The following ATG4D variants were observed in gnomAD, a reference collection of about 807,000 sequenced individuals.
ATG4D encodes cysteine protease ATG4D.
Under a neutral mutation model 55.2 loss-of-function variants are expected in ATG4D, and 51 were observed. The ratio of observed to expected loss-of-function variants is 0.92; its 90% confidence interval spans 0.74 to 1.17. The LOEUF is 1.17. Ranked by LOEUF, ATG4D falls within the 50% of genes most tolerant of loss-of-function variation. ATG4D has a pLI of 0.00. For missense variants in ATG4D, 635 were observed against 649.6 expected, an observed-to-expected ratio of 0.98 and a Z score of 0.25; for synonymous variants, 268 against 266.2, an observed-to-expected ratio of 1.01 and a Z score of -0.07.
chr19:10,547,216 C>A lies in ATG4D; in HGVS notation c.798C>A (p.Val266=). Residue 266 remains valine (V), a synonymous_variant, in exon 5 of 10, where the codon GTC becomes GTA. Coordinates refer to ENST00000309469, the MANE Select transcript of ATG4D (RefSeq NM_032885.6). ...LRKAVESCSD[V]TRLVVYVSQD... ...AAGCCGTGGAGAGCTGCTCCGACGT[C>A]ACCCGCCTGGTGGTGTACGTTTCTC... 1 of 1,614,036 alleles carries A rather than the reference C, an allele frequency of 6.2e-7. No homozygotes were observed. The highest frequency in any genetic ancestry group is 1.1e-5 in the South Asian group (1 of 91,086).
Position 10,545,238 on chromosome 19 carries a change from G to A in ATG4D, c.493+108G>A. 6 of 1,425,132 alleles carry A rather than the reference G, an allele frequency of 4.2e-6. No individual in the cohort carries two copies. The East Asian group carries it at 1.2e-4, about 28-fold the overall frequency. The allele number at this position is 1,425,132 out of a possible 1,614,324, so 88.3% of individuals were successfully genotyped here. On this transcript the variant is annotated intron_variant, in intron 3 of 9. Transcript: ENST00000309469. ...GAGTTCAAAGTCACGTTAGAATTGT[G>A]TGTCAAGTAAGTTTTGGAGAGATGA...
chr19:10,544,618 C>T, intron 1 of ATG4D, 165 bp from the exon 2 acceptor site: 3 of 1,318,526 alleles, frequency 2.3e-6, no homozygotes, highest in Non-Finnish European at 3.0e-6. Flanking sequence ...TGATGGTGGA[C>T]ACTCCTGTAG....
At chr19:10,546,230 G>A (rs946801299) in intron 3 of ATG4D, among the ~76,000 whole-genome samples, 11 of 151,720 alleles carry the variant, frequency 7.3e-5, no homozygotes, top group Non-Finnish European at 8.8e-5. Flanking sequence ...AGGCTGAGGC[G>A]GGAGAATCTG....
chr19:10,550,530 A>G (rs1420004919), intron 6 of ATG4D, among the ~76,000 whole-genome samples: 2 of 151,900 alleles, frequency 1.3e-5, no homozygotes, highest in Non-Finnish European at 2.9e-5. Flanking sequence ...GCCCGGCACT[A>G]TTTGTCCACA....
At chr19:10,546,501 A>G (rs991044668) in intron 3 of ATG4D, among the ~76,000 whole-genome samples, 7 of 150,814 alleles carry the variant, frequency 4.6e-5, no homozygotes, top group African/African-American at 1.7e-4. Context: ...GCCCGCCACC[A>G]CGCTTGTCTA....
Position 10,550,708 on chromosome 19 carries a change from C to CTTT in ATG4D, c.967-1170_967-1168dup, listed in dbSNP as rs34184188. Among the ~76,000 whole-genome samples, 111 of 100,044 alleles carry CTTT rather than the reference C, an allele frequency of 1.1e-3. 3 individuals are homozygous for CTTT. The highest frequency in any genetic ancestry group is 1.5e-3 in the Non-Finnish European group (73 of 50,176). The allele number at this position is 100,044 out of a possible 152,430, so 65.6% of individuals were successfully genotyped here. ...ACTCTTTCAGCAGTGATGCATGTGG[C>CTTT]TTTTTTTTTTTTTTTTTTTTTGAGA... is the stretch of plus-strand genomic sequence containing the variant. On this transcript the variant is annotated intron_variant, in intron 6 of 9. Coordinates refer to ENST00000309469, the MANE Select transcript of ATG4D (RefSeq NM_032885.6).
In ATG4D at chr19:10,553,347, G is replaced by A. The variant is rs569711275; in HGVS notation, c.*280G>A. The A allele has an allele frequency of 1.0e-4, 36 of 355,218 alleles. No homozygotes were observed. In the South Asian group the frequency reaches 1.8e-3, roughly 18 times the overall value. The allele number at this position is 355,218 out of a possible 1,614,324, so 22.0% of individuals were successfully genotyped here. ...GTACTGTAGTTTGCACTGGACGCCC[G>A]GGCCCTCCCTGTCCCAAAGCCCCCT... is the stretch of plus-strand genomic sequence containing the variant. On this transcript the variant is annotated 3_prime_UTR_variant, in exon 10 of 10. Coordinates refer to ENST00000309469, the MANE Select transcript of ATG4D (RefSeq NM_032885.6).
chr19:10,545,126 C>G lies in ATG4D; in HGVS notation c.489C>G (p.Pro163=), dbSNP rs1417266198. 4 of 1,609,430 alleles carry G rather than the reference C, an allele frequency of 2.5e-6. No homozygotes were observed. The East Asian group carries it at 8.9e-5, about 36-fold the overall frequency. The change falls in exon 3 of 10, where the codon CCC becomes CCG. Residue 163 remains proline (P), a synonymous_variant. Coordinates refer to ENST00000309469, the MANE Select transcript of ATG4D (RefSeq NM_032885.6). Reference sequence around the variant, plus strand: ...AGGGCCTTCTGCTGCATTTCCTGCCCAGAGGTGAGCCATAGGGGGGAAGGG... The same window carrying G: ...AGGGCCTTCTGCTGCATTTCCTGCCGAGAGGTGAGCCATAGGGGGGAAGGG... ...LAQGLLLHFL[P]RDWTWAEGMG...
At chr19:10,547,156 C>T (rs373620016) in intron 4 of ATG4D, 33 bp from the exon 5 acceptor site, 9 of 1,612,428 alleles carry the variant, frequency 5.6e-6, no homozygotes, top group East Asian at 2.2e-5. Flanking sequence ...GCTGGGTACC[C>T]GCAGGCACTC....
rs10423320 is a variant in ATG4D, at chr19:10,544,029, C to G, written c.-62C>G. 8.7e-7 allele frequency: 1 copy of G among 1,155,146 alleles called. No individual in the cohort carries two copies. The highest frequency in any genetic ancestry group is 1.6e-5 in the African/African-American group (1 of 62,480). The allele number at this position is 1,155,146 out of a possible 1,614,324, so 71.6% of individuals were successfully genotyped here. A position where few individuals can be genotyped will look rare whatever the true frequency, so the allele number is the denominator to read the frequency against. On this transcript the variant is annotated 5_prime_UTR_variant, in exon 1 of 10. Transcript: ENST00000309469. ...GCCCCGTGAACCGGCTGCGGGTCGCCCTTGGGGGGCAGCGGCCGCAGCCCC... is the reference window on the plus strand; with the variant it reads ...GCCCCGTGAACCGGCTGCGGGTCGCGCTTGGGGGGCAGCGGCCGCAGCCCC...
At chr19:10,552,744 CTG>C (rs1916318290) in intron 9 of ATG4D, 139 bp from the exon 10 acceptor site, 2 of 901,392 alleles carry the variant, frequency 2.2e-6, no homozygotes, top group Non-Finnish European at 1.7e-6. Context: ...GAGCCAATCA[CTG>C]TGGCCAGGGG....
In ATG4D at chr19:10,552,226, C is replaced by T. The variant is rs150808873; in HGVS notation, c.1144C>T (p.Arg382Cys). The T allele has an allele frequency of 9.7e-5, 156 of 1,613,230 alleles. 2 individuals are homozygous for T. The South Asian group carries it at 1.0e-3, about 11-fold the overall frequency. ...CCAGTCCTTCCACTGCACCTCGCCCCGCAAGATGGCCTTTGCCAAGATGGA... is the reference window on the plus strand; with the variant it reads ...CCAGTCCTTCCACTGCACCTCGCCCTGCAAGATGGCCTTTGCCAAGATGGA... ...PLESFHCTSP[R>C]KMAFAKMDPS... The change falls in exon 9 of 10, where the codon CGC (arginine) becomes TGC (cysteine). Residue 382 changes from arginine to cysteine, a missense_variant. Arg to Cys is a radical substitution (Grantham distance 180). Coordinates refer to ENST00000309469, the MANE Select transcript of ATG4D (RefSeq NM_032885.6).
At chr19:10,544,916 C>T (rs201515255) in intron 2 of ATG4D, 41 bp from the exon 3 acceptor site, 34 of 1,585,494 alleles carry the variant, frequency 2.1e-5, no homozygotes, top group African/African-American at 6.7e-5. Context: ...CCACGCCCGC[C>T]GGAGTGTCCC....
rs1435001167 is a variant in ATG4D at position 10,553,259 on chromosome 19, C to G, written c.*192C>G. 1 of 699,304 alleles carries G rather than the reference C, an allele frequency of 1.4e-6. No individual in the cohort carries two copies. The highest frequency in any genetic ancestry group is 2.6e-5 in the South Asian group (1 of 38,202). The allele number at this position is 699,304 out of a possible 1,614,324, so 43.3% of individuals were successfully genotyped here. On this transcript the variant is annotated 3_prime_UTR_variant, in exon 10 of 10. Coordinates refer to ENST00000309469, the MANE Select transcript of ATG4D (RefSeq NM_032885.6). Reference sequence around the variant, plus strand: ...AGCCCATACACCTGTCTCCCACCAGCGGGGCCCTCCTGGCAGGGTAGGGAA... The same window carrying G: ...AGCCCATACACCTGTCTCCCACCAGGGGGGCCCTCCTGGCAGGGTAGGGAA...
Position 10,553,018 on chromosome 19 carries a change from G to C in ATG4D, c.1376G>C (p.Arg459Pro). Reference sequence around the variant, plus strand: ...ACACTCCGGCTCCCTCGCACAGGGCGGCTCCTCAGGGCCAAACGCCCCAGC... The same window carrying C: ...ACACTCCGGCTCCCTCGCACAGGGCCGCTCCTCAGGGCCAAACGCCCCAGC... ...QPTLRLPRTG[R>P]LLRAKRPSSE... is the part of the protein sequence containing the mutation. Residue 459 changes from arginine to proline, a missense_variant, in exon 10 of 10, where the codon CGG becomes CCG. Physicochemically the swap from Arg to Pro is moderately radical, Grantham distance 103. Transcript: ENST00000309469. 1 of 1,612,244 alleles carries C rather than the reference G, an allele frequency of 6.2e-7. No individual in the cohort carries two copies. The highest frequency in any genetic ancestry group is 8.5e-7 in the Non-Finnish European group (1 of 1,179,856).
chr19:10,549,094 T>C (rs1420928185), intron 6 of ATG4D, 60 bp downstream of exon 6: 1 of 1,600,764 alleles, frequency 6.2e-7, no homozygotes, highest in Non-Finnish European at 8.5e-7. Flanking sequence ...TTGTTTAGTT[T>C]GTGTTAGGGC....
chr19:10,544,754 C>T (rs768572154), intron 1 of ATG4D, 29 bp from the exon 2 acceptor site: 18 of 1,612,260 alleles, frequency 1.1e-5, no homozygotes, highest in Non-Finnish European at 1.5e-5. Flanking sequence ...TGCTTCATCT[C>T]GCTGGGCGCT....
Position 10,546,988 on chromosome 19 carries a change from A to AT in ATG4D, c.645dup (p.Val216CysfsTer30). ...GGAGCAGGAACGCCGGCACCGGCAG[A>AT]TTGTGTCCTGGTTCGCCGACCACCC... On this transcript the variant is annotated frameshift_variant, in exon 4 of 10. Transcript: ENST00000309469. LOFTEE classifies it high-confidence loss of function. The AT allele has an allele frequency of 1.2e-6, 2 of 1,602,246 alleles. No individual in the cohort carries two copies. Among genetic ancestry groups the AT allele is most frequent in the Middle Eastern group, 1.7e-4 (1 of 6,026 alleles).
rs184823980 is a variant in ATG4D, at chr19:10,544,929, G to A, written c.320-28G>A. The A allele has an allele frequency of 2.4e-3, 3,823 of 1,582,970 alleles. 9 individuals are homozygous for A. Among genetic ancestry groups the A allele is most frequent in the Non-Finnish European group, 2.6e-3 (3,076 of 1,162,110 alleles). ...CTCCACGCCCGCCGGAGTGTCCCTG[G>A]TGGCAGCTGACAGACCCGCTCTTGT... On this transcript the variant is annotated intron_variant, in intron 2 of 9. Transcript: ENST00000309469.
Sources: gnomAD v4.1 joint callset for allele counts (sites outside exome capture counted in the v4.1 genomes callset) on GRCh38, gnomAD v4.1.1 for gene constraint, MANE v1.5 for transcripts, NCBI Gene and HGNC (gene_info 2026-07-23, HGNC 2026-07-21) for gene names.